Variants in ZDHHC1 observed in about 807,000 individuals in gnomAD.
ZDHHC1 encodes palmitoyltransferase ZDHHC1.
Under a neutral mutation model 46.9 loss-of-function variants are expected in ZDHHC1, and 45 were observed. The ratio of observed to expected loss-of-function variants is 0.96; its 90% CI spans 0.76 to 1.23. The LOEUF is 1.23. Among genes scored for constraint, ZDHHC1 ranks in the 50% most tolerant of loss-of-function variants. The pLI is 0.00. For synonymous variants in ZDHHC1, 291 were observed against 286.0 expected (o/e 1.02, Z -0.18); for missense variants, 649 against 670.8 (o/e 0.97, Z 0.36).
At position 67,398,330 on chromosome 16, in the gene ZDHHC1, G is replaced by T. The variant is rs747001722; in HGVS notation, c.815-6C>A. On this transcript the variant is annotated splice_polypyrimidine_tract_variant and splice_region_variant and intron_variant, in intron 7 of 11. Coordinates refer to ENST00000565726, the MANE Select transcript of ZDHHC1 (RefSeq NM_001323627.2). ...GGTGGTGAGCTTGTGCCACACTGGT[G>T]GGGGGAGGAGAGGGCTCAGTGCGGT... 12 of 1,610,724 alleles carry T rather than the reference G, an allele frequency of 7.5e-6. No homozygotes were observed. Among genetic ancestry groups the T allele is most frequent in the East Asian group, 4.5e-5 (2 of 44,898 alleles).
intron 9 of ZDHHC1, 91 bp from the exon 10 acceptor site, chr16:67,395,371 T>C (rs1392038684): frequency 6.6e-7 from 1 of 1,508,488 alleles, no homozygotes; most frequent in Non-Finnish European, 8.9e-7. Context: ...TCCTGTTAGC[T>C]CAGAGAAGGG....
chr16:67,394,955 C>A, intron 11 of ZDHHC1, 47 bp downstream of exon 11: 1 of 1,574,360 alleles, frequency 6.4e-7, no homozygotes, highest in East Asian at 2.3e-5. Flanking sequence ...CTGCCTTCCC[C>A]TCCCTCGAGT....
In ZDHHC1 at chr16:67,399,451, G is replaced by C; in HGVS notation, c.434C>G (p.Ala145Gly). The C allele has an allele frequency of 1.9e-6, 3 of 1,611,804 alleles. No individual in the cohort carries two copies. The highest frequency in any genetic ancestry group is 2.5e-6 in the Non-Finnish European group (3 of 1,178,866). The change falls in exon 5 of 12, where the codon GCT becomes GGT. Residue 145 changes from alanine to glycine, a missense_variant. By Grantham distance (60) the Ala-to-Gly change is moderately conservative. Coordinates refer to ENST00000565726, the MANE Select transcript of ZDHHC1 (RefSeq NM_001323627.2). Reference protein sequence around the residue: ...HCNLCNVDVSARSKHCSACNK... With the variant: ...HCNLCNVDVSGRSKHCSACNK... The stretch of plus-strand genomic sequence containing the variant: ...GCAGGCGCTGCAGTGCTTGGAGCGA[G>C]CGCTCCTGCAGGGAGAGGGGGCACA...
intron 1 of ZDHHC1, among the ~76,000 whole-genome samples, chr16:67,408,298 T>C (rs2040697273): frequency 6.6e-6 from 1 of 151,724 alleles, no homozygotes; most frequent in Non-Finnish European, 1.5e-5. Context: ...CCAGAGTAGC[T>C]GGAAGTACAG....
At chr16:67,402,770 G>A (rs1467907087) in intron 3 of ZDHHC1, among the ~76,000 whole-genome samples, 5 of 152,174 alleles carry the variant, frequency 3.3e-5, no homozygotes, top group African/African-American at 1.2e-4. Flanking sequence ...GGGACTACAG[G>A]TGTTCGCCAC....
In ZDHHC1 at chr16:67,398,921, G is replaced by A. The variant is rs1298557670; in HGVS notation, c.554C>T (p.Ser185Phe). 1 of 1,613,312 alleles carries A rather than the reference G, an allele frequency of 6.2e-7. No homozygotes were observed. The part of the protein sequence containing the change: ...NYRLFLHSVA[S>F]ALLGVLLLVL... ...CAGGAGCAGGACGCCCAGTAAAGCG[G>A]ATGCAACACTGTGTAGAAAGAGCCT... The change falls in exon 6 of 12, where the codon TCC (serine) becomes TTC (phenylalanine). Residue 185 changes from serine (S) to phenylalanine (F), a missense_variant. Coordinates refer to ENST00000565726, the MANE Select transcript of ZDHHC1 (RefSeq NM_001323627.2).
At chr16:67,397,258 G>A (rs2040451306) in intron 8 of ZDHHC1, among the ~76,000 whole-genome samples, 1 of 152,228 alleles carries the variant, frequency 6.6e-6, no homozygotes, top group Admixed American at 6.5e-5. Context: ...GCTTGAGAAA[G>A]TCTCCTGCCT....
Position 67,398,564 on chromosome 16 carries a change from G to A in ZDHHC1, c.814+9C>T, listed in dbSNP as rs200155613. On this transcript the variant is annotated intron_variant, in intron 7 of 11. Transcript: ENST00000565726. ...TGCGTTCCAGAAGGCAGGTGCAGGA[G>A]GCACTTACTGAGATAAATGTGGAAG... 8 of 1,591,706 alleles carry A rather than the reference G, an allele frequency of 5.0e-6. No homozygotes were observed. The South Asian group carries it at 9.1e-5, about 18-fold the overall frequency.
At chr16:67,395,421 GCCTCGATGGCCCTGC>G in intron 9 of ZDHHC1, 48 bp downstream of exon 9, 1 of 1,545,732 alleles carries the variant, frequency 6.5e-7, no homozygotes, top group Non-Finnish European at 8.7e-7. Flanking sequence ...CCCTTCTCCT[GCCTCGATGGCCCTGC>G]CATGCTAACT....
chr16:67,415,226 G>C (rs924643879), intron 1 of ZDHHC1, among the ~76,000 whole-genome samples: 4 of 152,328 alleles, frequency 2.6e-5, no homozygotes, highest in Middle Eastern at 3.4e-3. Context: ...GGGAGGCTGA[G>C]GCAAGAGGAT....
chr16:67,397,594 G>A (rs932656504), intron 8 of ZDHHC1, among the ~76,000 whole-genome samples: 1 of 152,186 alleles, frequency 6.6e-6, no homozygotes, highest in Non-Finnish European at 1.5e-5. Context: ...GCCTGCCCGG[G>A]CCCCGCCTTC....
intron 8 of ZDHHC1, chr16:67,396,183 C>A: frequency 6.5e-6 from 1 of 153,042 alleles, no homozygotes; most frequent in Non-Finnish European, 1.5e-5. Context: ...CACAGCAACC[C>A]TGAGGGTGCA....
chr16:67,404,981 A>AATGTCCCATGACGCATTCCC (rs1469618909), intron 3 of ZDHHC1, among the ~76,000 whole-genome samples: 1 of 152,164 alleles, frequency 6.6e-6, no homozygotes, highest in East Asian at 1.9e-4. Flanking sequence ...TCACAGGAGG[A>AATGTCCCATGACGCATTCCC]ATGTCCCATG....
chr16:67,401,187 G>A lies in ZDHHC1; in HGVS notation c.253-55C>T, dbSNP rs933834594. 47 of 1,586,546 alleles carry A rather than the reference G, an allele frequency of 3.0e-5. No homozygotes were observed. In the Middle Eastern group the frequency reaches 1.3e-3, roughly 45 times the overall value. The stretch of plus-strand genomic sequence containing the variant: ...CTCTGCCGGCTGGGAGTCCTGCCCC[G>A]TTCCTTGCAGCCAGAGAACTCCCCA... On this transcript the variant is annotated intron_variant, in intron 3 of 11. Transcript: ENST00000565726. This position sits in a 1 kb window ranked among gnomAD's most constrained non-coding sequence, Gnocchi z 4.6.
chr16:67,401,062 G>A lies in ZDHHC1; in HGVS notation c.323C>T (p.Ala108Val). 6.2e-7 allele frequency: 1 copy of A among 1,614,132 alleles called. No individual in the cohort carries two copies. Among genetic ancestry groups the A allele is most frequent in the South Asian group, 1.1e-5 (1 of 91,084 alleles). The change falls in exon 4 of 12, where the codon GCC becomes GTC. Residue 108 changes from alanine (A) to valine (V), a missense_variant. Transcript: ENST00000565726. This position sits in a 1 kb window ranked among gnomAD's most constrained non-coding sequence, Gnocchi z 4.6. Reference protein sequence around the residue: ...LTAVSIDPADANVRDKSYAGP... With the variant: ...LTAVSIDPADVNVRDKSYAGP... ...CGCATAGCTCTTGTCCCGCACGTTGGCATCTGCTGGATCGATGGAGACGGC... is the reference window on the plus strand; with the variant it reads ...CGCATAGCTCTTGTCCCGCACGTTGACATCTGCTGGATCGATGGAGACGGC...
chr16:67,398,351 G>T, intron 7 of ZDHHC1, 27 bp from the exon 8 acceptor site: 1 of 1,601,496 alleles, frequency 6.2e-7, no homozygotes, highest in Non-Finnish European at 8.5e-7. Flanking sequence ...AGGGCTCAGT[G>T]CGGTGGAAGG....
At chr16:67,407,461 C>A (rs879782039) in intron 2 of ZDHHC1, among the ~76,000 whole-genome samples, 1 of 152,234 alleles carries the variant, frequency 6.6e-6, no homozygotes, top group Non-Finnish European at 1.5e-5. Context: ...AGAAAGGGTG[C>A]CGCAGACCCC....
At chr16:67,395,356 T>A (rs1294272179) in intron 9 of ZDHHC1, 76 bp from the exon 10 acceptor site, 18 of 1,498,692 alleles carry the variant, frequency 1.2e-5, no homozygotes, top group Non-Finnish European at 1.6e-5. Context: ...GAGAGAAGCT[T>A]CCCTTCCTGT....
intron 3 of ZDHHC1, among the ~76,000 whole-genome samples, chr16:67,405,041 C>G (rs2040628258): frequency 6.6e-6 from 1 of 152,212 alleles, no homozygotes; most frequent in African/African-American, 2.4e-5. Context: ...TGTTGGTCAC[C>G]TCAGGGAAAG....
Sources: gnomAD v4.1 joint callset for allele counts (sites outside exome capture counted in the v4.1 genomes callset) on GRCh38, gnomAD v4.1.1 for gene constraint, Gnocchi (gnomAD v3.1) non-coding constraint, MANE v1.5 for transcripts, NCBI Gene and HGNC (gene_info 2026-07-23, HGNC 2026-07-21) for gene names.